Variants in CSMD1 observed in about 807,000 individuals in gnomAD.
The protein encoded by CSMD1 is CUB and Sushi multiple domains 1, also known as CUB and sushi domain-containing protein 1.
CSMD1 carries 213 observed loss-of-function variants against 417.5 expected under a neutral mutation model. The ratio of observed to expected loss-of-function variants is 0.51; its 90% CI spans 0.46 to 0.57. The LOEUF is 0.57. Among genes scored for constraint, CSMD1 ranks in the 20% least tolerant of loss-of-function variants. The pLI is 0.00. For missense variants in CSMD1, 6,923 were observed against 4,529.7 expected (o/e 1.53, Z -15.17); for synonymous variants, 2,862 against 1,736.8 (o/e 1.65, Z -16.11).
chr8:4,571,938 G>T (rs1798913665), intron 2 of CSMD1, among the ~76,000 whole-genome samples: 1 of 152,244 alleles, frequency 6.6e-6, no homozygotes, highest in African/African-American at 2.4e-5. Flanking sequence ...GACTAGGATT[G>T]CAACCCATGC....
At chr8:3,721,128 C>T (rs11136653) in intron 6 of CSMD1, among the ~76,000 whole-genome samples, 123,897 of 152,168 alleles carry the variant, frequency 0.81, 50,635 homozygotes, top group Middle Eastern at 0.9. Context: ...CGGCCAGTTG[C>T]GACTTTTGCA....
intron 4 of CSMD1, among the ~76,000 whole-genome samples, chr8:4,031,521 C>T (rs1404607168): frequency 2.0e-5 from 3 of 152,168 alleles, no homozygotes; most frequent in Admixed American, 6.5e-5. Context: ...CCTCCCACAA[C>T]ATGTGGGAAT....
chr8:4,384,639 C>A (rs146483001), intron 3 of CSMD1, among the ~76,000 whole-genome samples: 1 of 152,032 alleles, frequency 6.6e-6, no homozygotes, highest in Non-Finnish European at 1.5e-5. Context: ...TGTTATTCAA[C>A]AACCTGCTAT....
chr8:4,366,264 T>TTC (rs1554447136), intron 3 of CSMD1, among the ~76,000 whole-genome samples: 5 of 148,488 alleles, frequency 3.4e-5, no homozygotes, highest in Non-Finnish European at 5.9e-5. Flanking sequence ...CTTTTTTTTT[T>TTC]CTGTTTTATG....
rs183666857 is a variant in CSMD1 at position 3,718,603 on chromosome 8, T to C, written c.932-10112A>G. ...AATTAAAAGATAAATGTCTCATATA[T>C]GAAGTTATAGTATTACATGAATCAT... On this transcript the variant is annotated intron_variant, in intron 6 of 69. Coordinates refer to ENST00000635120, the MANE Select transcript of CSMD1 (RefSeq NM_033225.6). 2.0e-5 allele frequency among the ~76,000 whole-genome samples: 3 copies of C among 152,294 alleles called. No individual in the cohort carries two copies. The East Asian group carries it at 5.8e-4, about 29-fold the overall frequency.
intron 5 of CSMD1, among the ~76,000 whole-genome samples, chr8:3,983,591 T>A (rs2627441): frequency 6.6e-6 from 1 of 152,114 alleles, no homozygotes; most frequent in Non-Finnish European, 1.5e-5. Context: ...TTCTATTTTA[T>A]TTTTTCATAA....
intron 5 of CSMD1, among the ~76,000 whole-genome samples, chr8:3,901,195 C>G (rs1319501981): frequency 6.6e-6 from 1 of 151,990 alleles, no homozygotes; most frequent in Admixed American, 6.6e-5. Flanking sequence ...ATTTATTGAT[C>G]ATTCTTCCTG....
chr8:3,990,792 G>C (rs184328662), intron 5 of CSMD1, among the ~76,000 whole-genome samples: 5 of 152,120 alleles, frequency 3.3e-5, no homozygotes, highest in Non-Finnish European at 7.4e-5. Flanking sequence ...AGGAAGGAGA[G>C]GGGAGGGCAG....
intron 2 of CSMD1, among the ~76,000 whole-genome samples, chr8:4,501,105 T>G (rs140944384): frequency 6.6e-6 from 1 of 152,090 alleles, no homozygotes; most frequent in Non-Finnish European, 1.5e-5. Context: ...GGGACAACCA[T>G]GAAGAAAAGG....
chr8:3,590,182 A>C (rs1217906541), intron 8 of CSMD1, among the ~76,000 whole-genome samples: 1 of 152,194 alleles, frequency 6.6e-6, no homozygotes, highest in Non-Finnish European at 1.5e-5. Context: ...TGATCTATCT[A>C]TATTTATATC....
At chr8:3,933,424 A>G (rs1201975144) in intron 5 of CSMD1, among the ~76,000 whole-genome samples, 2 of 152,200 alleles carry the variant, frequency 1.3e-5, no homozygotes, top group Non-Finnish European at 2.9e-5. Flanking sequence ...TGTATGACAG[A>G]TAAAACATAG....
intron 2 of CSMD1, among the ~76,000 whole-genome samples, chr8:4,487,446 G>A (rs957927447): frequency 3.3e-5 from 5 of 152,086 alleles, no homozygotes; most frequent in Non-Finnish European, 5.9e-5. Flanking sequence ...ATACATTACT[G>A]AGAATGCTGA....
chr8:3,959,447 C>G (rs946566443), intron 5 of CSMD1, among the ~76,000 whole-genome samples: 3 of 152,112 alleles, frequency 2.0e-5, no homozygotes, highest in African/African-American at 7.2e-5. Context: ...TGCAGTGAGC[C>G]AAGATCACGC....
intron 1 of CSMD1, among the ~76,000 whole-genome samples, chr8:4,833,123 T>C (rs1439082272): frequency 6.6e-6 from 1 of 152,198 alleles, no homozygotes; most frequent in Non-Finnish European, 1.5e-5. Context: ...TTATTCGTCA[T>C]TCTGAGAGTA....
chr8:4,905,639 GA>G (rs1160748727), intron 1 of CSMD1, among the ~76,000 whole-genome samples: 2 of 151,588 alleles, frequency 1.3e-5, no homozygotes, highest in African/African-American at 4.8e-5. Context: ...CTAACACGGT[GA>G]AACCCCGTCT....
chr8:3,879,541 G>A (rs111463088), intron 5 of CSMD1, among the ~76,000 whole-genome samples: 1 of 152,160 alleles, frequency 6.6e-6, no homozygotes, highest in South Asian at 2.1e-4. Flanking sequence ...CCCCGCTACA[G>A]TCTACTTTGT....
rs377756447 is a variant in CSMD1 at position 4,031,933 on chromosome 8, C to A, written c.582G>T (p.Ser194=). 4.3e-6 allele frequency: 7 copies of A among 1,613,682 alleles called. No individual in the cohort carries two copies. The highest frequency in any genetic ancestry group is 2.2e-5 in the East Asian group (1 of 44,874). The stretch of plus-strand genomic sequence containing the variant: ...TGCAAAAGGGAGCTGGGAAGTCCCA[C>A]GATGCACCATTTCCTGGGCTGACGA... The part of the protein sequence containing the change: ...TCIVSPGNGA[S]WDFPAPFCRA... The change falls in exon 4 of 70, where the codon TCG becomes TCT. Residue 194 remains serine (S), a synonymous_variant. Transcript: ENST00000635120.
intron 7 of CSMD1, among the ~76,000 whole-genome samples, chr8:3,695,264 C>A (rs1403676162): frequency 1.3e-5 from 2 of 152,094 alleles, no homozygotes. Flanking sequence ...GGATATTAAT[C>A]CATCTAAAAT....
intron 3 of CSMD1, among the ~76,000 whole-genome samples, chr8:4,219,557 A>T (rs1253691143): frequency 0.038 from 4 of 104 alleles, no homozygotes; most frequent in African/African-American, 0.11. Flanking sequence ...GCTTATGTTA[A>T]AAAAAAAACT....
Sources: allele counts gnomAD v4.1 joint callset (sites outside exome capture counted in the v4.1 genomes callset), GRCh38; gene constraint gnomAD v4.1.1; transcripts MANE v1.5; gene names NCBI Gene and HGNC (gene_info 2026-07-23, HGNC 2026-07-21).